The following STAU1 variants were observed in gnomAD, a reference collection of about 807,000 sequenced individuals.
STAU1 encodes staufen double-stranded RNA binding protein 1.
STAU1 carries 13 observed loss-of-function variants against 62.9 expected under a neutral mutation model. The observed-to-expected ratio is 0.21, with a 90% CI of 0.13 to 0.33. The LOEUF is 0.33. STAU1 is among the 10% of genes least tolerant of loss of function. STAU1 has a pLI of 1.00. For missense variants in STAU1, 571 were observed against 712.1 expected, an observed-to-expected ratio of 0.80 and a Z score of 2.25; for synonymous variants, 269 against 265.1, an observed-to-expected ratio of 1.01 and a Z score of -0.14.
At chr20:49,196,328 C>T in the STAU1 span, among the ~76,000 whole-genome samples, 13 of 148,942 alleles carry the variant, frequency 8.7e-5, no homozygotes, top group Admixed American at 4.0e-4. Flanking sequence ...CCCAGCTACT[C>T]GGGAGGCTGA....
intron 12 of STAU1, among the ~76,000 whole-genome samples, 166 bp downstream of exon 12, chr20:49,116,960 A>G (rs1383385742): frequency 6.6e-6 from 1 of 152,192 alleles, no homozygotes; most frequent in East Asian, 1.9e-4. Context: ...CCAATCAGCT[A>G]TGACAAAAAG....
intron 3 of STAU1, among the ~76,000 whole-genome samples, chr20:49,156,864 G>C (rs1171097075): frequency 7.3e-6 from 1 of 136,984 alleles, no homozygotes; most frequent in Non-Finnish European, 1.5e-5. Flanking sequence ...GAGATTGTGT[G>C]TGTATGCACT....
At chr20:49,214,628 A>G in the STAU1 span, among the ~76,000 whole-genome samples, 2 of 152,094 alleles carry the variant, frequency 1.3e-5, no homozygotes, top group African/African-American at 4.8e-5. Context: ...CTCTTACTGT[A>G]TAGAAGGTAA....
At chr20:49,187,063 G>C (rs1374596290) in intron 1 of STAU1, among the ~76,000 whole-genome samples, 1 of 151,908 alleles carries the variant, frequency 6.6e-6, no homozygotes, top group Non-Finnish European at 1.5e-5. Flanking sequence ...GAGGTGTAGA[G>C]CAAGACAAGA....
At chr20:49,157,534 T>A (rs2093380200) in intron 3 of STAU1, among the ~76,000 whole-genome samples, 1 of 151,480 alleles carries the variant, frequency 6.6e-6, no homozygotes, top group Admixed American at 6.6e-5. Flanking sequence ...GGCTGGAGTG[T>A]AGTGGCATGA....
At chr20:49,152,503 C>T (rs1382094110) in intron 4 of STAU1, among the ~76,000 whole-genome samples, 4 of 151,994 alleles carry the variant, frequency 2.6e-5, no homozygotes, top group South Asian at 2.1e-4. Flanking sequence ...GCCACCATGC[C>T]TGTATTTTTA....
chr20:49,154,871 G>A (rs1207252639), intron 3 of STAU1, among the ~76,000 whole-genome samples: 1 of 151,596 alleles, frequency 6.6e-6, no homozygotes, highest in Non-Finnish European at 1.5e-5. Context: ...GATCACCTGA[G>A]GTCAGGAGTT....
chr20:49,205,563 A>G, the STAU1 span, among the ~76,000 whole-genome samples: 3 of 150,406 alleles, frequency 2.0e-5, no homozygotes, highest in Admixed American at 6.6e-5. Context: ...ACGGGGTTTC[A>G]CCATGTTGGT....
intron 3 of STAU1, among the ~76,000 whole-genome samples, chr20:49,155,637 T>A (rs2093345478): frequency 6.6e-6 from 1 of 152,208 alleles, no homozygotes; most frequent in South Asian, 2.1e-4. Flanking sequence ...CTAAATTTAA[T>A]GCATGAATCA....
intron 6 of STAU1, chr20:49,134,447 A>AAAAAAAAAAAAAAAAAAAAAAAAAAAAAG: frequency 1.6e-6 from 1 of 624,488 alleles, no homozygotes; most frequent in African/African-American, 1.9e-5. Flanking sequence ...AAAAAAAAAA[A>AAAAAAAAAAAAAAAAAAAAAAAAAAAAAG]AAGCTCTGGG....
intron 3 of STAU1, among the ~76,000 whole-genome samples, chr20:49,164,507 TCTCCAACTCCTGGG>T (rs1366625353): frequency 6.6e-6 from 1 of 150,802 alleles, no homozygotes; most frequent in Non-Finnish European, 1.5e-5. Context: ...CCCAGGCTGG[TCTCCAACTCCTGGG>T]CTCAAGCAAT....
chr20:49,155,831 A>G (rs1173629600), intron 3 of STAU1, among the ~76,000 whole-genome samples: 2 of 152,240 alleles, frequency 1.3e-5, no homozygotes, highest in Admixed American at 6.5e-5. Context: ...AAACATGAAG[A>G]AAGTATACTG....
intron 1 of STAU1, among the ~76,000 whole-genome samples, chr20:49,185,279 TG>T (rs1393687025): frequency 6.6e-6 from 1 of 152,216 alleles, no homozygotes; most frequent in Non-Finnish European, 1.5e-5. Context: ...TCTATTAAAG[TG>T]GGTTAAAAGG....
intron 5 of STAU1, among the ~76,000 whole-genome samples, chr20:49,138,649 A>C (rs1056647786): frequency 6.6e-6 from 1 of 152,056 alleles, no homozygotes; most frequent in African/African-American, 2.4e-5. Flanking sequence ...CTACTGGCAT[A>C]GGCACCACTC....
chr20:49,180,877 G>A (rs2093716538), intron 1 of STAU1, among the ~76,000 whole-genome samples: 1 of 152,102 alleles, frequency 6.6e-6, no homozygotes, highest in Admixed American at 6.5e-5. Flanking sequence ...TAGCTGCTGC[G>A]GTGGGGAGAG....
chr20:49,214,434 C>T, the STAU1 span, among the ~76,000 whole-genome samples: 139 of 150,032 alleles, frequency 9.3e-4, no homozygotes, highest in Non-Finnish European at 1.7e-3. Context: ...AGGAGAACCG[C>T]TTGAACCCGG....
At chr20:49,147,636 A>G (rs2093156337) in intron 5 of STAU1, among the ~76,000 whole-genome samples, 1 of 152,192 alleles carries the variant, frequency 6.6e-6, no homozygotes, top group Non-Finnish European at 1.5e-5. Context: ...GTGGACAAAG[A>G]CTTTAACTGC....
chr20:49,187,776 C>A (rs1438785568), intron 1 of STAU1, among the ~76,000 whole-genome samples: 4 of 33,656 alleles, frequency 1.2e-4, no homozygotes, highest in Non-Finnish European at 1.9e-4. Context: ...AGCAGGGACC[C>A]CCCCCCCCCC....
intron 3 of STAU1, among the ~76,000 whole-genome samples, chr20:49,163,906 A>G (rs1263637041): frequency 6.6e-6 from 1 of 152,058 alleles, no homozygotes; most frequent in East Asian, 1.9e-4. Context: ...CTGGGACAAC[A>G]GGTGCACACC....
Sources: allele counts gnomAD v4.1 joint callset (sites outside exome capture counted in the v4.1 genomes callset), GRCh38; gene constraint gnomAD v4.1.1; transcripts MANE v1.5; gene names NCBI Gene and HGNC (gene_info 2026-07-23, HGNC 2026-07-21).